UGT1A8: variants seen among roughly 807,000 people sequenced by gnomAD.
UGT1A8 encodes the protein UDP-glucuronosyltransferase 1A8.
A neutral mutation model predicts 45.3 loss-of-function variants in UGT1A8; 39 were observed. The observed-to-expected ratio is 0.86, with a 90% confidence interval of 0.67 to 1.12. The LOEUF is 1.12. UGT1A8 is among the 50% of genes most tolerant of loss of function. The pLI, the probability that UGT1A8 is intolerant of heterozygous loss-of-function variation, is 0.00. For synonymous variants in UGT1A8, 275 were observed against 249.2 expected, an observed-to-expected ratio of 1.10 and a Z score of -0.97; for missense variants, 719 against 664.9, an observed-to-expected ratio of 1.08 and a Z score of -0.90.
intron 1 of UGT1A8, among the ~76,000 whole-genome samples, chr2:233,651,280 T>C (rs915360388): frequency 2.6e-5 from 4 of 152,190 alleles, no homozygotes; most frequent in African/African-American, 7.2e-5. Context: ...ACTGAGTTCC[T>C]TGTGGCTCAC....
intron 3 of UGT1A8, 118 bp from the exon 4 acceptor site, chr2:233,768,102 A>T (rs1036317794): frequency 6.3e-7 from 1 of 1,593,190 alleles, no homozygotes; most frequent in African/African-American, 1.3e-5. Context: ...TCTTCTGCAA[A>T]TTTCTGCAAG....
chr2:233,678,162 C>A (rs963457253), intron 1 of UGT1A8, among the ~76,000 whole-genome samples: 1 of 152,030 alleles, frequency 6.6e-6, no homozygotes, highest in African/African-American at 2.4e-5. Flanking sequence ...ACTATGGACT[C>A]CTAAAAGGGA....
At chr2:233,732,416 TTTC>T (rs1325833889) in intron 1 of UGT1A8, among the ~76,000 whole-genome samples, 1 of 152,362 alleles carries the variant, frequency 6.6e-6, no homozygotes, top group East Asian at 1.9e-4. Context: ...TTGCCTAGGT[TTTC>T]TTCTAGGATT....
chr2:233,723,945 C>G (rs1475718921), intron 1 of UGT1A8, among the ~76,000 whole-genome samples: 64 of 52,096 alleles, frequency 1.2e-3, no homozygotes, highest in Non-Finnish European at 1.5e-3. Flanking sequence ...TACACAGACA[C>G]GGCAACCATC....
chr2:233,658,210 G>A (rs985871352), intron 1 of UGT1A8, among the ~76,000 whole-genome samples: 19 of 152,050 alleles, frequency 1.2e-4, no homozygotes, highest in African/African-American at 3.6e-4. Context: ...GTAGACACAG[G>A]GTTTCACCAT....
Position 233,760,935 on chromosome 2 carries a change from C to CT in UGT1A8, c.856-6095dup. On this transcript the variant is annotated intron_variant, in intron 1 of 4. Coordinates refer to ENST00000373450, the MANE Select transcript of UGT1A8 (RefSeq NM_019076.5). ...AGCGGGTGAAGAACATGCTCATTGCCTTTTCACAGAACTTTCTGTGCGACG... is the reference window on the plus strand; with the variant it reads ...AGCGGGTGAAGAACATGCTCATTGCCTTTTTCACAGAACTTTCTGTGCGACG... 6.2e-7 allele frequency: 1 copy of CT among 1,614,200 alleles called. No individual in the cohort carries two copies. Among genetic ancestry groups the CT allele is most frequent in the Non-Finnish European group, 8.5e-7 (1 of 1,180,050 alleles).
At chr2:233,721,529 G>A (rs537602053) in intron 1 of UGT1A8, 34 of 169,694 alleles carry the variant, frequency 2.0e-4, no homozygotes, top group Non-Finnish European at 3.5e-4. Context: ...TTCTTCCAGA[G>A]CCATAGGTAA....
chr2:233,642,850 C>A (rs1452969116), intron 1 of UGT1A8, among the ~76,000 whole-genome samples: 2 of 152,170 alleles, frequency 1.3e-5, no homozygotes, highest in Non-Finnish European at 2.9e-5. Flanking sequence ...TCTTCCCTTA[C>A]TTCCTCCCAA....
chr2:233,674,301 G>A (rs560021290), intron 1 of UGT1A8, among the ~76,000 whole-genome samples: 55 of 152,186 alleles, frequency 3.6e-4, no homozygotes, highest in African/African-American at 1.3e-3. Flanking sequence ...CATGACTTTC[G>A]GATCTTCACA....
At chr2:233,669,483 G>A (rs2074138357) in intron 1 of UGT1A8, among the ~76,000 whole-genome samples, 1 of 152,036 alleles carries the variant, frequency 6.6e-6, no homozygotes, top group African/African-American at 2.4e-5. Context: ...CCAATGTTTT[G>A]TTGTTTTCAG....
At chr2:233,689,780 T>C in intron 1 of UGT1A8, 1 of 400,764 alleles carries the variant, frequency 2.5e-6, no homozygotes, top group South Asian at 1.9e-5. Context: ...GGGACATATG[T>C]TATGATGTGA....
intron 1 of UGT1A8, among the ~76,000 whole-genome samples, chr2:233,727,386 G>A (rs1285965204): frequency 1.3e-5 from 2 of 152,076 alleles, no homozygotes; most frequent in Non-Finnish European, 2.9e-5. Context: ...GAGTACCACC[G>A]TCTTCCAAGA....
rs191743341 is a variant in UGT1A8, at chr2:233,705,148, A to G, written c.856-61886A>G. 9.8e-3 allele frequency among the ~76,000 whole-genome samples: 1,473 copies of G among 150,974 alleles called. 22 individuals are homozygous for G. The highest frequency in any genetic ancestry group is 0.033 in the African/African-American group (1,371 of 40,938). On this transcript the variant is annotated intron_variant, in intron 1 of 4. Transcript: ENST00000373450. ...CGAGACTTCGTCTGAAAAAAAAAAA[A>G]AGAGAGAGAGAGAGAGAATAAAGGG...
At position 233,754,981 on chromosome 2, in the gene UGT1A8, C is replaced by G. The variant is rs561889596; in HGVS notation, c.856-12053C>G. 2.3e-6 allele frequency: 3 copies of G among 1,295,894 alleles called. No individual in the cohort carries two copies. The Admixed American group carries it at 5.7e-5, about 25-fold the overall frequency. 80.3% of individuals were successfully genotyped at this position (1,295,894 alleles called of 1,614,324 possible). ...CCAAAGAACTCCCTGAAGACCTCGG[C>G]GGGGTCACGGAAGCTGAAGACCTAC... On this transcript the variant is annotated intron_variant, in intron 1 of 4. Coordinates refer to ENST00000373450, the MANE Select transcript of UGT1A8 (RefSeq NM_019076.5).
At chr2:233,656,178 G>A (rs2125482340) in intron 1 of UGT1A8, among the ~76,000 whole-genome samples, 1 of 152,310 alleles carries the variant, frequency 6.6e-6, no homozygotes. Flanking sequence ...GAACACACAT[G>A]CATGTTACAT....
intron 1 of UGT1A8, among the ~76,000 whole-genome samples, chr2:233,663,572 C>A (rs1367619902): frequency 6.6e-6 from 1 of 152,044 alleles, no homozygotes; most frequent in Non-Finnish European, 1.5e-5. Context: ...AATCTCGTAA[C>A]CTCCATCTGC....
chr2:233,711,190 C>G (rs886946782), intron 1 of UGT1A8, among the ~76,000 whole-genome samples: 1 of 152,236 alleles, frequency 6.6e-6, no homozygotes, highest in African/African-American at 2.4e-5. Flanking sequence ...CTACTCCCTC[C>G]CCACAGTCCT....
chr2:233,628,858 C>A (rs1421462240), intron 1 of UGT1A8, among the ~76,000 whole-genome samples: 5 of 152,020 alleles, frequency 3.3e-5, no homozygotes, highest in African/African-American at 1.2e-4. Context: ...TTTTTCCATA[C>A]CTATTGAGAT....
chr2:233,735,915 C>T (rs1408003529), intron 1 of UGT1A8, among the ~76,000 whole-genome samples: 4 of 152,042 alleles, frequency 2.6e-5, no homozygotes, highest in South Asian at 4.2e-4. Flanking sequence ...GTGGGTAACC[C>T]GACCTTTCTC....
Sources: gnomAD v4.1 joint callset for allele counts (sites outside exome capture counted in the v4.1 genomes callset) on GRCh38, gnomAD v4.1.1 for gene constraint, MANE v1.5 for transcripts, NCBI Gene and HGNC (gene_info 2026-07-23, HGNC 2026-07-21) for gene names.